CCDC7: variants seen among roughly 807,000 people sequenced by gnomAD.
CCDC7 encodes coiled-coil domain containing 7.
CCDC7 carries 183 observed loss-of-function variants against 196.9 expected under a neutral mutation model. The ratio of observed to expected loss-of-function variants is 0.93; its 90% CI spans 0.82 to 1.05. The LOEUF is 1.05. Among genes scored for constraint, CCDC7 ranks in the 50% least tolerant of loss-of-function variants. CCDC7 has a pLI of 0.00. For synonymous variants in CCDC7, 525 were observed against 484.6 expected (o/e 1.08, Z -1.10); for missense variants, 1,540 against 1,482.2 (o/e 1.04, Z -0.64).
intron 9 of CCDC7, among the ~76,000 whole-genome samples, chr10:32,499,997 ACTT>A (rs1212547400): frequency 1.3e-5 from 2 of 152,186 alleles, no homozygotes; most frequent in African/African-American, 4.8e-5. Context: ...TCCTATGTCT[ACTT>A]CTTTCTACAC....
chr10:32,737,421 T>C (rs142380571), intron 28 of CCDC7, among the ~76,000 whole-genome samples: 6,302 of 152,286 alleles, frequency 0.041, 133 homozygotes, highest in Middle Eastern at 0.065. Flanking sequence ...TTTAAATTTG[T>C]TAAGGTTTGT....
intron 20 of CCDC7, among the ~76,000 whole-genome samples, chr10:32,661,876 G>T (rs1430105615): frequency 6.6e-6 from 1 of 152,148 alleles, no homozygotes; most frequent in African/African-American, 2.4e-5. Context: ...TAGCTGTCCT[G>T]GCTGGTGTCT....
chr10:32,573,078 A>G (rs938704819), intron 16 of CCDC7, among the ~76,000 whole-genome samples: 2 of 151,754 alleles, frequency 1.3e-5, no homozygotes, highest in African/African-American at 4.8e-5. Flanking sequence ...GGGTTTCGCC[A>G]TGTTGGCCAG....
Position 32,689,155 on chromosome 10 carries a change from G to A in CCDC7, c.2336G>A (p.Arg779Lys), listed in dbSNP as rs780494072. The A allele has an allele frequency of 5.2e-6, 8 of 1,548,916 alleles. No homozygotes were observed. In the East Asian group the frequency reaches 1.1e-4, roughly 22 times the overall value. Residue 779 changes from arginine to lysine, a missense_variant, in exon 23 of 42, where the codon AGA becomes AAA. Coordinates refer to ENST00000639629, the Ensembl canonical transcript of CCDC7. ...GAACAAAGAACTCTCAAAGGGCAAAGAATTATTAGTAAGTATAAAAAGTAA... is the reference window on the plus strand; with the variant it reads ...GAACAAAGAACTCTCAAAGGGCAAAAAATTATTAGTAAGTATAAAAAGTAA...
intron 18 of CCDC7, among the ~76,000 whole-genome samples, chr10:32,607,096 TG>T (rs1385056044): frequency 7.9e-5 from 12 of 152,174 alleles, no homozygotes. Context: ...TCATGAGATC[TG>T]GTTGTTTAAA....
chr10:32,468,707 G>A (rs537239804), intron 5 of CCDC7, among the ~76,000 whole-genome samples: 15 of 151,834 alleles, frequency 9.9e-5, no homozygotes, highest in African/African-American at 3.4e-4. Flanking sequence ...CAAGATACCT[G>A]TTATAAGTGC....
chr10:32,498,152 C>G (rs2043205918), intron 9 of CCDC7, among the ~76,000 whole-genome samples: 1 of 151,934 alleles, frequency 6.6e-6, no homozygotes, highest in African/African-American at 2.4e-5. Flanking sequence ...ATGTAATGCC[C>G]TTTTCTCTTT....
At chr10:32,851,834 A>T in exon 40 of CCDC7, 2 of 1,612,644 alleles carry the variant, frequency 1.2e-6, no homozygotes, top group Non-Finnish European at 1.7e-6. Flanking sequence ...TCTTCACCCT[A>T]TGTGACTGCA....
In CCDC7 at chr10:32,627,284, G is replaced by A. The variant is rs1590789626; in HGVS notation, c.1802-6970G>A. Reference sequence around the variant, plus strand: ...TTATTCCTAATTTATTTTTTAAATAGCTGTTGTAAATCAGATTGTTCTCTT... The same window carrying A: ...TTATTCCTAATTTATTTTTTAAATAACTGTTGTAAATCAGATTGTTCTCTT... On this transcript the variant is annotated intron_variant, in intron 18 of 41. Transcript: ENST00000639629. Among the ~76,000 whole-genome samples the A allele has an allele frequency of 5.3e-5, 8 of 151,886 alleles. No individual in the cohort carries two copies. In the South Asian group the frequency reaches 1.5e-3, roughly 28 times the overall value.
At chr10:32,789,502 G>A (rs1259080806) in intron 29 of CCDC7, among the ~76,000 whole-genome samples, 2 of 149,412 alleles carry the variant, frequency 1.3e-5, no homozygotes, top group Non-Finnish European at 3.0e-5. Context: ...GAAAGAATCA[G>A]TAAACTTGAA....
upstream of CCDC7, among the ~76,000 whole-genome samples, chr10:32,451,078 A>T (rs2032935054): frequency 6.6e-6 from 1 of 152,088 alleles, no homozygotes; most frequent in Non-Finnish European, 1.5e-5. Context: ...TTCATCTACA[A>T]CCCTCCTTAC....
chr10:32,539,360 G>C (rs1284027937), intron 11 of CCDC7, among the ~76,000 whole-genome samples: 1 of 151,930 alleles, frequency 6.6e-6, no homozygotes, highest in African/African-American at 2.4e-5. Flanking sequence ...GTATTTCTGT[G>C]GTGTCAGTGG....
At chr10:32,757,989 A>G (rs2076760055) in intron 28 of CCDC7, among the ~76,000 whole-genome samples, 1 of 152,218 alleles carries the variant, frequency 6.6e-6, no homozygotes, top group Non-Finnish European at 1.5e-5. Flanking sequence ...CAAATAAACT[A>G]GAAAATCTAG....
upstream of CCDC7, among the ~76,000 whole-genome samples, chr10:32,445,494 A>G (rs2030732977): frequency 6.6e-6 from 1 of 152,172 alleles, no homozygotes; most frequent in Non-Finnish European, 1.5e-5. Flanking sequence ...ACACACAGGC[A>G]TTATTAACAG....
chr10:32,614,837 C>T (rs73257424), intron 18 of CCDC7, among the ~76,000 whole-genome samples: 8,076 of 152,240 alleles, frequency 0.053, 714 homozygotes, highest in African/African-American at 0.18. Context: ...TATTTTTCCA[C>T]TCTGTGTGTC....
At chr10:32,874,753 T>TACACACACACACACACACACAC (rs3035173) in intron 41 of CCDC7, among the ~76,000 whole-genome samples, 5 of 145,344 alleles carry the variant, frequency 3.4e-5, no homozygotes, top group East Asian at 4.1e-4. Context: ...CCAACATATC[T>TACACACACACACACACACACAC]ACACACACAC....
intron 18 of CCDC7, among the ~76,000 whole-genome samples, chr10:32,633,024 T>C (rs952189417): frequency 1.3e-5 from 2 of 152,200 alleles, no homozygotes; most frequent in Admixed American, 6.5e-5. Flanking sequence ...GTTCAGTCTA[T>C]TATTTAAAGT....
intron 8 of CCDC7, among the ~76,000 whole-genome samples, chr10:32,483,569 C>T (rs1173260282): frequency 6.6e-6 from 1 of 152,116 alleles, no homozygotes; most frequent in Non-Finnish European, 1.5e-5. Flanking sequence ...AAGTCCTTGC[C>T]CATGCCTATG....
chr10:32,446,044 T>G (rs938433768), upstream of CCDC7: 2 of 152,160 alleles, frequency 1.3e-5, no homozygotes, highest in Non-Finnish European at 2.9e-5. Flanking sequence ...AAACTGCGTC[T>G]CCTCTTCCGC....
Sources: allele counts gnomAD v4.1 joint callset (sites outside exome capture counted in the v4.1 genomes callset), GRCh38; gene constraint gnomAD v4.1.1; transcripts MANE v1.5; gene names NCBI Gene and HGNC (gene_info 2026-07-23, HGNC 2026-07-21).